FMN2: variants seen among roughly 807,000 people sequenced by gnomAD.
FMN2 encodes formin-2.
A neutral mutation model predicts 142.3 loss-of-function variants in FMN2; 51 were observed. That is an observed-to-expected ratio of 0.36 (90% CI 0.29 to 0.45). FMN2 has a LOEUF of 0.45. Ranked by LOEUF, FMN2 falls within the 20% of genes least tolerant of loss-of-function variation. The probability of loss-of-function intolerance (pLI) is 1.00; values close to 1 mark genes in which losing one functional copy is unlikely to be tolerated. For synonymous variants in FMN2, 882 were observed against 869.8 expected (o/e 1.01, Z -0.25); for missense variants, 1,936 against 2,122.8 (o/e 0.91, Z 1.73).
rs1676865206 is a variant in FMN2 at position 240,473,127 on chromosome 1, A to G, written c.5142+674A>G. ...TGATCATTCTAATTGGATTAGATCC[A>G]CTGGGATGTAAAGTTGGTGGGAAGC... On this transcript the variant is annotated intron_variant, in intron 17 of 17. Transcript: ENST00000319653. This position sits in a 1 kb window ranked among gnomAD's most constrained non-coding sequence, Gnocchi z 4.3. 6.6e-6 allele frequency among the ~76,000 whole-genome samples: 1 copy of G among 152,066 alleles called. No individual in the cohort carries two copies. Among genetic ancestry groups the G allele is most frequent in the Non-Finnish European group, 1.5e-5 (1 of 68,014 alleles).
At position 240,406,586 on chromosome 1, in the gene FMN2, A is replaced by T. The variant is rs191556321; in HGVS notation, c.4910+14024A>T. 3.5e-3 allele frequency among the ~76,000 whole-genome samples: 540 copies of T among 152,294 alleles called. 1 individual carries two copies. Among genetic ancestry groups the T allele is most frequent in the Non-Finnish European group, 6.6e-3 (449 of 68,028 alleles). ...CTTGTTTCTAAAATGAGGGCAATGG[A>T]ACGGTGCGTGGCTAGAGTTAGCATA... is the stretch of plus-strand genomic sequence containing the variant. On this transcript the variant is annotated intron_variant, in intron 15 of 17. Transcript: ENST00000319653.
At chr1:240,452,962 G>T (rs1037481849) in intron 16 of FMN2, among the ~76,000 whole-genome samples, 10 of 152,100 alleles carry the variant, frequency 6.6e-5, no homozygotes, top group African/African-American at 1.7e-4. Context: ...GCAAGAGCAC[G>T]TGCTTGTAGG....
Position 240,438,112 on chromosome 1 carries a change from G to A in FMN2, c.4962G>A (p.Lys1654=). The stretch of plus-strand genomic sequence containing the variant: ...TCATGAAACCAAAACTTGGAGAGAA[G>A]GAGGTGTCCCCAAATGCTTTCTTCA... The part of the protein sequence containing the change: ...YFFMKPKLGE[K]EVSPNAFFSI... Residue 1654 remains lysine (K), a synonymous_variant, in exon 16 of 18, where the codon AAG becomes AAA. Transcript: ENST00000319653. The A allele has an allele frequency of 6.2e-7, 1 of 1,614,146 alleles. No homozygotes were observed. Among genetic ancestry groups the A allele is most frequent in the Non-Finnish European group, 8.5e-7 (1 of 1,179,988 alleles).
At chr1:240,169,646 A>T (rs907694837) in intron 2 of FMN2, among the ~76,000 whole-genome samples, 5 of 150,646 alleles carry the variant, frequency 3.3e-5, no homozygotes, top group African/African-American at 9.8e-5. Context: ...TTTATGTAAA[A>T]TTTTTTTTTC....
At chr1:240,188,681 A>G (rs1376695645) in intron 4 of FMN2, among the ~76,000 whole-genome samples, 2 of 152,222 alleles carry the variant, frequency 1.3e-5, no homozygotes, top group African/African-American at 2.4e-5. Flanking sequence ...TGGATGAAAC[A>G]TTAATTAGTA....
chr1:240,379,338 T>C (rs1673151225), intron 14 of FMN2, among the ~76,000 whole-genome samples: 1 of 152,208 alleles, frequency 6.6e-6, no homozygotes, highest in South Asian at 2.1e-4. Context: ...TTATATTTTC[T>C]TGGTGGTTCT....
intron 6 of FMN2, among the ~76,000 whole-genome samples, chr1:240,218,281 CAAAAAAA>C (rs60722656): frequency 5.4e-5 from 5 of 92,970 alleles, no homozygotes; most frequent in South Asian, 4.0e-4. Context: ...GACTCTGTCT[CAAAAAAA>C]AAAAAAAAAA....
intron 6 of FMN2, among the ~76,000 whole-genome samples, chr1:240,225,423 T>C (rs1273751246): frequency 1.3e-5 from 2 of 152,120 alleles, no homozygotes; most frequent in Non-Finnish European, 2.9e-5. Context: ...GGGTGACCCA[T>C]AGGTAGCCAG....
At chr1:240,274,959 A>C (rs1669143172) in intron 7 of FMN2, among the ~76,000 whole-genome samples, 1 of 152,110 alleles carries the variant, frequency 6.6e-6, no homozygotes. Context: ...AGAGAATGGA[A>C]AGACAGTGAT....
intron 2 of FMN2, chr1:240,170,663 C>A (rs776740586): frequency 1.9e-6 from 3 of 1,573,376 alleles, no homozygotes; most frequent in Non-Finnish European, 2.6e-6. Context: ...TCTTTAGCAC[C>A]TTTGGATAAA....
chr1:240,127,905 G>A (rs1662578810), intron 2 of FMN2, among the ~76,000 whole-genome samples: 1 of 152,194 alleles, frequency 6.6e-6, no homozygotes, highest in African/African-American at 2.4e-5. Flanking sequence ...GGTGACAGGG[G>A]AGATGAAGAC....
chr1:240,105,349 T>G (rs1384565151), intron 1 of FMN2, among the ~76,000 whole-genome samples: 3 of 152,010 alleles, frequency 2.0e-5, no homozygotes, highest in Non-Finnish European at 4.4e-5. Context: ...CCTCAAGTGA[T>G]CCACTCACCT....
intron 16 of FMN2, chr1:240,459,232 T>C (rs1676355419): frequency 6.6e-6 from 1 of 152,160 alleles, no homozygotes; most frequent in South Asian, 2.1e-4. Flanking sequence ...GAAAGAAAGC[T>C]ACTCTAAATT....
chr1:240,380,715 T>TA (rs11384026), intron 14 of FMN2, among the ~76,000 whole-genome samples: 44,505 of 127,530 alleles, frequency 0.35, 7,227 homozygotes, highest in East Asian at 0.47. Flanking sequence ...CAAAACTAGT[T>TA]AAAAAAAAAA....
At chr1:240,431,643 G>A (rs1211258664) in intron 15 of FMN2, among the ~76,000 whole-genome samples, 4 of 150,752 alleles carry the variant, frequency 2.7e-5, no homozygotes, top group Admixed American at 6.6e-5. Flanking sequence ...TTACTTCTAG[G>A]ATTAGCCTGC....
At chr1:240,200,795 A>G (rs1475678546) in intron 4 of FMN2, among the ~76,000 whole-genome samples, 2 of 152,008 alleles carry the variant, frequency 1.3e-5, no homozygotes, top group South Asian at 4.2e-4. Flanking sequence ...GTTGCCCCCA[A>G]CTCTTTTTCC....
In FMN2 at chr1:240,092,590, G is replaced by A; in HGVS notation, c.481G>A (p.Glu161Lys). 1.9e-6 allele frequency: 3 copies of A among 1,613,914 alleles called. No individual in the cohort carries two copies. Among genetic ancestry groups the A allele is most frequent in the Non-Finnish European group, 2.5e-6 (3 of 1,179,988 alleles). ...EARVGGRPIA[E>K]DVETAAGAQD... ...TAGGGTCGGGGGCCGGCCGATCGCCGAGGATGTGGAAACTGCAGCAGGGGC... is the reference window on the plus strand; with the variant it reads ...TAGGGTCGGGGGCCGGCCGATCGCCAAGGATGTGGAAACTGCAGCAGGGGC... Residue 161 changes from glutamate (E) to lysine (K), a missense_variant, in exon 1 of 18, where the codon GAG becomes AAG. Glu to Lys is a moderately conservative substitution (Grantham distance 56). Transcript: ENST00000319653.
chr1:240,124,741 C>T (rs1662429353), intron 2 of FMN2, among the ~76,000 whole-genome samples: 1 of 152,098 alleles, frequency 6.6e-6, no homozygotes, highest in Admixed American at 6.6e-5. Context: ...TATCTTGACA[C>T]ACTGCAACCT....
chr1:240,169,192 A>G (rs1408203586), intron 2 of FMN2, among the ~76,000 whole-genome samples: 1 of 152,148 alleles, frequency 6.6e-6, no homozygotes, highest in Non-Finnish European at 1.5e-5. Flanking sequence ...ATACCATCCA[A>G]CTATTTAGTT....
Sources: allele counts gnomAD v4.1 joint callset (sites outside exome capture counted in the v4.1 genomes callset), GRCh38; gene constraint gnomAD v4.1.1; non-coding constraint Gnocchi (gnomAD v3.1); transcripts MANE v1.5; gene names NCBI Gene and HGNC (gene_info 2026-07-23, HGNC 2026-07-21).